The following CDH23 variants were observed in gnomAD, a reference collection of about 807,000 sequenced individuals.
CDH23 encodes cadherin related 23.
A neutral mutation model predicts 317.1 loss-of-function variants in CDH23; 189 were observed. The observed-to-expected ratio is 0.60, with a 90% CI of 0.53 to 0.67. The LOEUF is 0.67. CDH23 is among the 30% of genes least tolerant of loss of function. The probability of loss-of-function intolerance (pLI) is 0.00; values close to 1 mark genes in which losing one functional copy is unlikely to be tolerated. For missense variants in CDH23, 4,401 were observed against 4,592.4 expected (o/e 0.96, Z 1.20); for synonymous variants, 1,839 against 1,876.8 (o/e 0.98, Z 0.52).
At chr10:71,667,019 A>T (rs1259910038) in intron 14 of CDH23, among the ~76,000 whole-genome samples, 3 of 152,238 alleles carry the variant, frequency 2.0e-5, no homozygotes, top group African/African-American at 7.2e-5. Flanking sequence ...TCCTGAACAA[A>T]TTGTACCGCG....
chr10:71,771,172 T>A (rs1840675368), intron 38 of CDH23, among the ~76,000 whole-genome samples: 1 of 152,128 alleles, frequency 6.6e-6, no homozygotes, highest in Non-Finnish European at 1.5e-5. Flanking sequence ...GTCCTGGGAA[T>A]GTCTGTGGGG....
At chr10:71,419,639 G>A (rs1307337438) in intron 1 of CDH23, among the ~76,000 whole-genome samples, 1 of 140,022 alleles carries the variant, frequency 7.1e-6, no homozygotes, top group Non-Finnish European at 1.6e-5. Context: ...GAATTCTATA[G>A]AGTACATTTT....
chr10:71,725,290 C>T, intron 29 of CDH23, 82 bp from the exon 30 acceptor site: 1 of 1,598,028 alleles, frequency 6.3e-7, no homozygotes, highest in East Asian at 2.2e-5. Flanking sequence ...TGGTGAACTT[C>T]TGCCCCCAAC....
At chr10:71,710,476 A>C (rs1033186182) in intron 27 of CDH23, among the ~76,000 whole-genome samples, 6 of 152,126 alleles carry the variant, frequency 3.9e-5, no homozygotes, top group African/African-American at 1.4e-4. Flanking sequence ...GACAGTGCCT[A>C]GTGGCCAGCA....
intron 8 of CDH23, among the ~76,000 whole-genome samples, chr10:71,574,093 C>T (rs1377177003): frequency 5.3e-5 from 8 of 152,128 alleles, no homozygotes; most frequent in Non-Finnish European, 1.2e-4. Context: ...GTTCTGCCTC[C>T]CAGGCCAGAG....
At chr10:71,703,166 C>G (rs1037685173) in intron 24 of CDH23, among the ~76,000 whole-genome samples, 3 of 152,196 alleles carry the variant, frequency 2.0e-5, no homozygotes, top group African/African-American at 4.8e-5. Context: ...AGCACATGGT[C>G]TGATCTTGGG....
At chr10:71,755,435 G>C (rs760752416) in intron 38 of CDH23, 1 of 1,613,214 alleles carries the variant, frequency 6.2e-7, no homozygotes, top group East Asian at 2.2e-5. Flanking sequence ...CTACGATGCA[G>C]GCACCCGTAG....
intron 62 of CDH23, 118 bp downstream of exon 62, chr10:71,810,687 G>A: frequency 2.2e-6 from 2 of 902,948 alleles, no homozygotes; most frequent in Admixed American, 2.2e-5. Context: ...CCCACTGTGT[G>A]GGGCCATCTC....
chr10:71,707,170 T>C lies in CDH23; in HGVS notation c.3106+121T>C, dbSNP rs1331613813. ...GGTGGAAAAGAGGTCAGGGCTCTAC[T>C]GTTGGGCTTTAGCCTCTGGTGGTGC... On this transcript the variant is annotated intron_variant, in intron 26 of 69. Transcript: ENST00000224721. 6 of 1,538,882 alleles carry C rather than the reference T, an allele frequency of 3.9e-6. No homozygotes were observed. The South Asian group carries it at 7.2e-5, about 18-fold the overall frequency.
intron 9 of CDH23, among the ~76,000 whole-genome samples, chr10:71,605,054 G>T (rs1860449275): frequency 6.6e-6 from 1 of 152,178 alleles, no homozygotes; most frequent in African/African-American, 2.4e-5. Flanking sequence ...CACCAACTTG[G>T]AACACAAAGA....
At chr10:71,759,914 C>CATATATATACACACACATACATACAT (rs1564779323) in intron 38 of CDH23, among the ~76,000 whole-genome samples, 2 of 56,820 alleles carry the variant, frequency 3.5e-5, no homozygotes, top group Non-Finnish European at 4.5e-5. Context: ...TACACACACA[C>CATATATATACACACACATACATACAT]ATATATACAC....
intron 53 of CDH23, 67 bp downstream of exon 53, chr10:71,800,822 C>G: frequency 3.2e-6 from 5 of 1,581,810 alleles, no homozygotes; most frequent in Non-Finnish European, 4.3e-6. Context: ...AGCAAAGCCT[C>G]TAGCAAGTGG....
chr10:71,470,006 CT>C (rs1421842119), intron 3 of CDH23, among the ~76,000 whole-genome samples: 2 of 150,574 alleles, frequency 1.3e-5, no homozygotes, highest in Non-Finnish European at 3.0e-5. Context: ...TTTTCATTTC[CT>C]TTTTAAAAAT....
At chr10:71,650,684 G>A (rs568988350) in intron 14 of CDH23, among the ~76,000 whole-genome samples, 1 of 152,362 alleles carries the variant, frequency 6.6e-6, no homozygotes, top group African/African-American at 2.4e-5. Context: ...ATGCATGGAT[G>A]ATGCTGGTGG....
chr10:71,604,716 T>G (rs528169499), intron 9 of CDH23, among the ~76,000 whole-genome samples: 1 of 152,202 alleles, frequency 6.6e-6, no homozygotes, highest in Non-Finnish European at 1.5e-5. Context: ...ACCCCAGCCC[T>G]GCCCTCCTCC....
chr10:71,574,653 G>A (rs7923245), intron 8 of CDH23, among the ~76,000 whole-genome samples: 105,560 of 152,034 alleles, frequency 0.69, 38,096 homozygotes, highest in East Asian at 0.91. Flanking sequence ...GGAGGAGGAC[G>A]TGGGTCCCTG....
chr10:71,793,725 C>T, intron 48 of CDH23, 85 bp downstream of exon 48: 1 of 1,049,194 alleles, frequency 9.5e-7, no homozygotes. Flanking sequence ...TTTCTCCTTT[C>T]TCTTTCTTTG....
chr10:71,660,628 G>C (rs1206167677), intron 14 of CDH23, among the ~76,000 whole-genome samples: 1 of 152,156 alleles, frequency 6.6e-6, no homozygotes, highest in East Asian at 1.9e-4. Flanking sequence ...CGTCTCACAT[G>C]GCTGTGCTTA....
chr10:71,547,331 T>A (rs919348450), intron 6 of CDH23, among the ~76,000 whole-genome samples: 1 of 152,176 alleles, frequency 6.6e-6, no homozygotes, highest in Non-Finnish European at 1.5e-5. Flanking sequence ...AGCAGACGGA[T>A]GGCACAGGCA....
Sources: allele counts gnomAD v4.1 joint callset (sites outside exome capture counted in the v4.1 genomes callset), GRCh38; gene constraint gnomAD v4.1.1; transcripts MANE v1.5; gene names NCBI Gene and HGNC (gene_info 2026-07-23, HGNC 2026-07-21).